Variants in IQSEC3 observed in about 807,000 individuals in gnomAD.
IQSEC3 encodes the protein IQ motif and SEC7 domain-containing protein 3.
IQSEC3 carries 50 observed loss-of-function variants against 105.4 expected under a neutral mutation model. The ratio of observed to expected loss-of-function variants is 0.47; its 90% confidence interval spans 0.38 to 0.60. The LOEUF (loss-of-function observed/expected upper bound fraction) is 0.60, where lower values mean the gene tolerates loss of function less well. Among genes scored for constraint, IQSEC3 ranks in the 20% least tolerant of loss-of-function variants. The pLI is 0.00. For missense variants in IQSEC3, 1,415 were observed against 1,630.0 expected (o/e 0.87, Z 2.27); for synonymous variants, 708 against 746.0 (o/e 0.95, Z 0.83).
At chr12:135,998 G>A (rs1555086288) in intron 3 of IQSEC3, among the ~76,000 whole-genome samples, 3 of 152,234 alleles carry the variant, frequency 2.0e-5, no homozygotes, top group African/African-American at 7.2e-5. Context: ...TGGATTTGTG[G>A]TCATGTGTTA....
chr12:175,141 C>G lies in IQSEC3; in HGVS notation c.*108C>G, dbSNP rs1347365124. On this transcript the variant is annotated 3_prime_UTR_variant, in exon 14 of 14. Transcript: ENST00000538872. ...GCACGATGCGTTCCTGGTCACTGAT[C>G]ACCATCATTTTGGGAAGAGAATCCC... The G allele has an allele frequency of 1.6e-5, 14 of 885,398 alleles. No homozygotes were observed. The highest frequency in any genetic ancestry group is 2.3e-5 in the Non-Finnish European group (14 of 604,670). 54.8% of individuals were successfully genotyped at this position (885,398 alleles called of 1,614,324 possible).
chr12:178,118 T>TGCCTGCCC lies in IQSEC3; in HGVS notation c.*3087_*3094dup. The TGCCTGCCC allele has an allele frequency of 6.6e-6, 1 of 152,266 alleles. No homozygotes were observed. Among genetic ancestry groups the TGCCTGCCC allele is most frequent in the Non-Finnish European group, 1.5e-5 (1 of 68,138 alleles). 9.4% of individuals were successfully genotyped at this position (152,266 alleles called of 1,614,324 possible). The stretch of plus-strand genomic sequence containing the variant: ...AGCGTGTCCTGGAAGCCTGCCTGCC[T>TGCCTGCCC]GCCTGCCCGTCTGCACAGGTGTCTT... On this transcript the variant is annotated 3_prime_UTR_variant, in exon 14 of 14. Transcript: ENST00000538872.
rs1863623611 is a variant in IQSEC3, at chr12:78,270, G to C, written c.554+10834G>C. Among the ~76,000 whole-genome samples, 3 of 151,902 alleles carry C rather than the reference G, an allele frequency of 2.0e-5. No individual in the cohort carries two copies. The South Asian group carries it at 6.2e-4, about 31-fold the overall frequency. ...GCACCGCCCGCCGCCAGCCCGGGGA[G>C]CATCGGGGCCGCGGCCTTCGGGCCG... On this transcript the variant is annotated intron_variant, in intron 1 of 13. Transcript: ENST00000538872.
At chr12:126,572 T>TGTGTGTGTGTGTGC (rs1260117695) in intron 3 of IQSEC3, among the ~76,000 whole-genome samples, 6 of 151,382 alleles carry the variant, frequency 4.0e-5, no homozygotes, top group Non-Finnish European at 8.8e-5. Context: ...TGTGTGTGTG[T>TGTGTGTGTGTGTGC]GCGCTTAGAG....
intron 2 of IQSEC3, among the ~76,000 whole-genome samples, chr12:105,629 A>T (rs2136931204): frequency 6.6e-6 from 1 of 152,344 alleles, no homozygotes; most frequent in East Asian, 1.9e-4. Context: ...ATTTGTCCTG[A>T]ATCGCCAGAT....
At chr12:151,821 C>A (rs970101532) in intron 5 of IQSEC3, among the ~76,000 whole-genome samples, 1 of 152,138 alleles carries the variant, frequency 6.6e-6, no homozygotes, top group African/African-American at 2.4e-5. Context: ...GCATATGCTT[C>A]CTCCCTTAGC....
chr12:130,155 G>A (rs1219599544), intron 3 of IQSEC3, among the ~76,000 whole-genome samples: 5 of 152,206 alleles, frequency 3.3e-5, no homozygotes, highest in African/African-American at 1.2e-4. Flanking sequence ...TGCTAGGCCT[G>A]GAGATGCTAT....
At chr12:103,315 C>A (rs909948067) in intron 2 of IQSEC3, among the ~76,000 whole-genome samples, 1 of 147,610 alleles carries the variant, frequency 6.8e-6, no homozygotes, top group African/African-American at 2.5e-5. Flanking sequence ...TGGGAGGAGG[C>A]GGCTGTGGGA....
At chr12:139,762 G>C (rs1211661828) in intron 4 of IQSEC3, 1 of 161,296 alleles carries the variant, frequency 6.2e-6, no homozygotes, top group African/African-American at 2.4e-5. Context: ...TTAGCTCCCA[G>C]GGTTGGTGAA....
rs562436288 is a variant in IQSEC3, at chr12:178,072, T to C, written c.*3039T>C. The C allele has an allele frequency of 6.6e-6, 1 of 152,136 alleles. No homozygotes were observed. Among genetic ancestry groups the C allele is most frequent in the Admixed American group, 6.5e-5 (1 of 15,288 alleles). The allele number at this position is 152,136 out of a possible 1,614,324, so 9.4% of individuals were successfully genotyped here. ...CTTTTGGACAAGTCCCACCCCTAGA[T>C]CTGAAGCAAGCTCTACCAGCAGCGT... On this transcript the variant is annotated 3_prime_UTR_variant, in exon 14 of 14. Transcript: ENST00000538872.
chr12:161,888 C>A (rs1234276352), intron 7 of IQSEC3, 38 bp from the exon 8 acceptor site: 47 of 1,537,742 alleles, frequency 3.1e-5, no homozygotes, highest in Non-Finnish European at 4.0e-5. Context: ...CCCTCCCTCC[C>A]AACCCCACCA....
In IQSEC3 at chr12:125,770, G is replaced by T; in HGVS notation, c.761G>T (p.Gly254Val). The change falls in exon 3 of 14, where the codon GGG (glycine) becomes GTG (valine). Residue 254 changes from glycine to valine, a missense_variant. Around this residue, in one of 6 missense-constraint regions of IQSEC3, gnomAD observed 720 missense variants for 633.0 expected, o/e 1.14. Coordinates refer to ENST00000538872, the MANE Select transcript of IQSEC3 (RefSeq NM_001170738.2). ...QELQEEEERPGAGAASPRAGP... is the reference protein window; with the variant it reads ...QELQEEEERPVAGAASPRAGP... ...CTGCAGGAGGAGGAGGAGCGGCCGG[G>T]GGCAGGGGCTGCCTCCCCAAGGGCT... The T allele has an allele frequency of 6.6e-7, 1 of 1,513,470 alleles. No individual in the cohort carries two copies. Among genetic ancestry groups the T allele is most frequent in the Non-Finnish European group, 8.8e-7 (1 of 1,137,614 alleles). 93.8% of individuals were successfully genotyped at this position (1,513,470 alleles called of 1,614,324 possible).
intron 3 of IQSEC3, among the ~76,000 whole-genome samples, chr12:132,163 G>A (rs1281221471): frequency 6.6e-6 from 1 of 152,250 alleles, no homozygotes; most frequent in East Asian, 1.9e-4. Flanking sequence ...AGGTCTCGAA[G>A]AAGAGGACAT....
chr12:97,301 T>G (rs901320509), intron 1 of IQSEC3, among the ~76,000 whole-genome samples: 2 of 152,254 alleles, frequency 1.3e-5, no homozygotes, highest in African/African-American at 2.4e-5. Flanking sequence ...GTCTATCATG[T>G]GTCTTTTGAC....
chr12:149,696 C>T (rs1866428598), intron 5 of IQSEC3, among the ~76,000 whole-genome samples: 1 of 152,052 alleles, frequency 6.6e-6, no homozygotes, highest in Non-Finnish European at 1.5e-5. Flanking sequence ...ACGCAATGGT[C>T]GACAGAAGGT....
At chr12:91,015 T>C (rs1864067171) in intron 1 of IQSEC3, among the ~76,000 whole-genome samples, 1 of 152,042 alleles carries the variant, frequency 6.6e-6, no homozygotes, top group African/African-American at 2.4e-5. Flanking sequence ...TTTTATGATT[T>C]CTCCCTTCTC....
chr12:95,191 G>A (rs190319665), intron 1 of IQSEC3, among the ~76,000 whole-genome samples: 41 of 152,300 alleles, frequency 2.7e-4, no homozygotes, highest in African/African-American at 8.4e-4. Context: ...AATTTTGGCC[G>A]GGGAACCACT....
chr12:101,588 A>G (rs1036821254), intron 2 of IQSEC3, among the ~76,000 whole-genome samples: 36 of 152,196 alleles, frequency 2.4e-4, no homozygotes, highest in Middle Eastern at 3.4e-3. Flanking sequence ...GGCTGGGGAC[A>G]GGGAGGACTT....
intron 1 of IQSEC3, among the ~76,000 whole-genome samples, chr12:80,240 AGTG>A (rs1863699439): frequency 6.6e-6 from 1 of 152,188 alleles, no homozygotes; most frequent in African/African-American, 2.4e-5. Context: ...CGATTCGGCA[AGTG>A]CTTCTCCGTC....
Sources: allele counts gnomAD v4.1 joint callset (sites outside exome capture counted in the v4.1 genomes callset), GRCh38; gene constraint gnomAD v4.1.1; regional missense constraint gnomAD v4.1.1; transcripts MANE v1.5; gene names NCBI Gene and HGNC (gene_info 2026-07-23, HGNC 2026-07-21).